Variants in WWP1 observed in about 807,000 individuals in gnomAD.
The protein encoded by WWP1 is WW domain containing E3 ubiquitin protein ligase 1.
Under a neutral mutation model 130.6 loss-of-function variants are expected in WWP1, and 49 were observed. The observed-to-expected ratio is 0.38, with a 90% confidence interval of 0.30 to 0.48. WWP1 has a LOEUF of 0.48. WWP1 is among the 20% of genes least tolerant of loss of function. The pLI is 0.99. For missense variants in WWP1, 809 were observed against 1,100.6 expected (o/e 0.74, Z 3.75); for synonymous variants, 332 against 367.8 (o/e 0.90, Z 1.11).
At chr8:86,358,418 T>C (rs894470386) in intron 1 of WWP1, among the ~76,000 whole-genome samples, 3 of 152,122 alleles carry the variant, frequency 2.0e-5, no homozygotes, top group African/African-American at 7.2e-5. Context: ...GTTAACATAA[T>C]AATATGTTGT....
chr8:86,350,090 G>T (rs1822829979), intron 1 of WWP1, among the ~76,000 whole-genome samples: 1 of 152,100 alleles, frequency 6.6e-6, no homozygotes, highest in South Asian at 2.1e-4. Context: ...ATAGTGGAGA[G>T]AATTCTCTTT....
chr8:86,462,623 G>A (rs1475634427), intron 24 of WWP1, among the ~76,000 whole-genome samples: 1 of 152,160 alleles, frequency 6.6e-6, no homozygotes, highest in Non-Finnish European at 1.5e-5. Context: ...TGGATGCAAG[G>A]GTGAATGCAG....
rs1480623820 is a variant in WWP1, at chr8:86,435,642, C to A, written c.1687C>A (p.Leu563Ile). 6.2e-7 allele frequency: 1 copy of A among 1,613,096 alleles called. No homozygotes were observed. The highest frequency in any genetic ancestry group is 8.5e-7 in the Non-Finnish European group (1 of 1,179,780). ...TTATTTTTGTTTTTAGTCTAATGCACTACCTAGTCATGTAAAGATCAATGT... is the reference window on the plus strand; with the variant it reads ...TTATTTTTGTTTTTAGTCTAATGCAATACCTAGTCATGTAAAGATCAATGT... The part of the protein sequence containing the change: ...HFRYLCQSNA[L>I]PSHVKINVSR... The change falls in exon 16 of 25, where the codon CTA becomes ATA. Residue 563 changes from leucine (L) to isoleucine (I), a missense_variant. Transcript: ENST00000517970.
intron 9 of WWP1, 65 bp from the exon 10 acceptor site, chr8:86,425,158 A>G (rs1809547382): frequency 7.6e-7 from 1 of 1,314,964 alleles, no homozygotes; most frequent in Non-Finnish European, 1.1e-6. Flanking sequence ...ATTATAAGGA[A>G]GAGTCATTTT....
chr8:86,356,741 C>A (rs1731865405), intron 1 of WWP1, among the ~76,000 whole-genome samples: 1 of 152,124 alleles, frequency 6.6e-6, no homozygotes, highest in Non-Finnish European at 1.5e-5. Context: ...TTCTAGTAAA[C>A]ATAGTAACTG....
At chr8:86,457,496 T>TAC (rs897905811) in intron 21 of WWP1, among the ~76,000 whole-genome samples, 1 of 151,646 alleles carries the variant, frequency 6.6e-6, no homozygotes, top group Non-Finnish European at 1.5e-5. Flanking sequence ...TGTGTGTATT[T>TAC]ACACACACAC....
chr8:86,466,533 A>G (rs1377579277), intron 24 of WWP1, among the ~76,000 whole-genome samples: 2 of 145,066 alleles, frequency 1.4e-5, no homozygotes. Context: ...TAAAAAGAAA[A>G]TGGATTTTTT....
intron 1 of WWP1, among the ~76,000 whole-genome samples, chr8:86,354,155 T>G (rs187709058): frequency 2.0e-5 from 3 of 152,358 alleles, no homozygotes; most frequent in Non-Finnish European, 4.4e-5. Flanking sequence ...AAACTGAGAA[T>G]AATATACCCA....
intron 5 of WWP1, 105 bp from the exon 6 acceptor site, chr8:86,398,237 A>T (rs1807786776): frequency 7.7e-7 from 1 of 1,305,902 alleles, no homozygotes; most frequent in African/African-American, 1.5e-5. Context: ...AATTCCTTCC[A>T]AATGTCAAGT....
chr8:86,348,082 A>G (rs1381972523), intron 1 of WWP1, among the ~76,000 whole-genome samples: 1 of 152,258 alleles, frequency 6.6e-6, no homozygotes, highest in Non-Finnish European at 1.5e-5. Flanking sequence ...GCTTCAATTC[A>G]TACATTTAAA....
At chr8:86,466,709 G>A in intron 24 of WWP1, 85 bp from the exon 25 acceptor site, 3 of 908,176 alleles carry the variant, frequency 3.3e-6, no homozygotes, top group Non-Finnish European at 5.0e-6. Flanking sequence ...TATCCATTCA[G>A]CATTTCTATG....
intron 1 of WWP1, among the ~76,000 whole-genome samples, chr8:86,366,209 A>G (rs1179846926): frequency 2.6e-5 from 4 of 152,108 alleles, no homozygotes; most frequent in African/African-American, 7.2e-5. Context: ...GAAGAATAGG[A>G]CCCATCAAGT....
chr8:86,417,623 G>A (rs1808963736), intron 9 of WWP1, among the ~76,000 whole-genome samples: 1 of 152,182 alleles, frequency 6.6e-6, no homozygotes, highest in Non-Finnish European at 1.5e-5. Context: ...AGAAATACTT[G>A]AAGTTAACTC....
At chr8:86,457,193 A>G (rs1236521890) in intron 21 of WWP1, among the ~76,000 whole-genome samples, 1 of 151,988 alleles carries the variant, frequency 6.6e-6, no homozygotes, top group Non-Finnish European at 1.5e-5. Context: ...ATTTTACTAT[A>G]CCTAAAATAA....
At chr8:86,422,781 TGA>T (rs1809302066) in intron 9 of WWP1, among the ~76,000 whole-genome samples, 1 of 152,084 alleles carries the variant, frequency 6.6e-6, no homozygotes, top group Non-Finnish European at 1.5e-5. Context: ...AACAAGAGAT[TGA>T]GAGTCTTCAA....
chr8:86,344,727 G>T (rs1202313492), intron 1 of WWP1, among the ~76,000 whole-genome samples: 1 of 152,048 alleles, frequency 6.6e-6, no homozygotes, highest in Non-Finnish European at 1.5e-5. Flanking sequence ...TATGACTTTG[G>T]ATAGGCAGGA....
At chr8:86,403,003 C>T (rs1205961169) in intron 8 of WWP1, among the ~76,000 whole-genome samples, 8 of 152,108 alleles carry the variant, frequency 5.3e-5, no homozygotes, top group Non-Finnish European at 1.5e-5. Flanking sequence ...AGAAGGAATG[C>T]CTAAGGAAGA....
At chr8:86,388,249 G>C (rs1021331747) in intron 5 of WWP1, among the ~76,000 whole-genome samples, 1 of 150,922 alleles carries the variant, frequency 6.6e-6, no homozygotes, top group Non-Finnish European at 1.5e-5. Flanking sequence ...GTAGGTACCA[G>C]GTTGTCTGTT....
At chr8:86,431,594 G>T in intron 13 of WWP1, 21 bp from the exon 14 acceptor site, 2 of 1,612,842 alleles carry the variant, frequency 1.2e-6, no homozygotes, top group South Asian at 2.2e-5. Context: ...TTCATCTTGT[G>T]ATTTTAACTT....
Sources: allele counts gnomAD v4.1 joint callset (sites outside exome capture counted in the v4.1 genomes callset), GRCh38; gene constraint gnomAD v4.1.1; transcripts MANE v1.5; gene names NCBI Gene and HGNC (gene_info 2026-07-23, HGNC 2026-07-21).